The following TUNAR variants were observed in gnomAD, a reference collection of about 807,000 sequenced individuals.
The protein encoded by TUNAR is protein TUNAR.
Position 95,895,420 on chromosome 14 carries a change from G to T in TUNAR, c.12+18243G>T, listed in dbSNP as rs1283911131. ...ACACATGTGTGCATGTTGTTAGAGT[G>T]TGTGTGGTGCGTGTGTGTATGTGTG... is the stretch of plus-strand genomic sequence containing the variant. On this transcript the variant is annotated intron_variant, in intron 2 of 2. Coordinates refer to ENST00000678517, the Ensembl canonical transcript of TUNAR. This position sits in a 1 kb window ranked among gnomAD's most constrained non-coding sequence, Gnocchi z 4.5. 6.6e-6 allele frequency among the ~76,000 whole-genome samples: 1 copy of T among 152,148 alleles called. No homozygotes were observed. Among genetic ancestry groups the T allele is most frequent in the Non-Finnish European group, 1.5e-5 (1 of 68,024 alleles).
At chr14:95,908,344 G>A (rs1458864516) in intron 2 of TUNAR, among the ~76,000 whole-genome samples, 2 of 152,204 alleles carry the variant, frequency 1.3e-5, no homozygotes, top group African/African-American at 4.8e-5. Flanking sequence ...AGTGGGGTGG[G>A]GCTCCTGCCT....
intron 2 of TUNAR, among the ~76,000 whole-genome samples, chr14:95,908,654 T>A (rs1889463761): frequency 6.6e-6 from 1 of 152,198 alleles, no homozygotes; most frequent in Non-Finnish European, 1.5e-5. Flanking sequence ...TTAGTTGGGA[T>A]CACAAGAGTC....
chr14:95,884,795 C>G (rs1168888605), intron 2 of TUNAR, among the ~76,000 whole-genome samples: 1 of 152,200 alleles, frequency 6.6e-6, no homozygotes, highest in Non-Finnish European at 1.5e-5. Context: ...TCCCCACAAT[C>G]TGTGTCTGCG....
intron 2 of TUNAR, among the ~76,000 whole-genome samples, chr14:95,902,070 A>G (rs1889362912): frequency 6.6e-6 from 1 of 152,196 alleles, no homozygotes; most frequent in African/African-American, 2.4e-5. Context: ...GAGATTGTGT[A>G]AAGATCACAA....
At chr14:95,916,361 C>G (rs1174345937) in intron 2 of TUNAR, among the ~76,000 whole-genome samples, 1 of 152,232 alleles carries the variant, frequency 6.6e-6, no homozygotes, top group Non-Finnish European at 1.5e-5. Context: ...GAACTTCCCA[C>G]ATAAGTGGGA....
At chr14:95,878,547 A>ATGAT (rs1888926053) in intron 2 of TUNAR, among the ~76,000 whole-genome samples, 1 of 146,756 alleles carries the variant, frequency 6.8e-6, no homozygotes, top group African/African-American at 2.6e-5. Flanking sequence ...CTTCAGCTAA[A>ATGAT]TGATTCTGAG....
chr14:95,914,030 C>T (rs561708153), intron 2 of TUNAR, among the ~76,000 whole-genome samples: 37 of 152,308 alleles, frequency 2.4e-4, no homozygotes, highest in African/African-American at 8.9e-4. Flanking sequence ...CGTGCCCAGC[C>T]CCTAGGTGGA....
intron 2 of TUNAR, among the ~76,000 whole-genome samples, chr14:95,884,010 T>C (rs1341194271): frequency 6.6e-6 from 1 of 152,046 alleles, no homozygotes; most frequent in Non-Finnish European, 1.5e-5. Context: ...TGCCCCTCCC[T>C]GCTCTAAAGG....
chr14:95,888,026 G>T (rs1199144780), intron 2 of TUNAR, among the ~76,000 whole-genome samples: 3 of 152,186 alleles, frequency 2.0e-5, no homozygotes, highest in Non-Finnish European at 4.4e-5. Flanking sequence ...TCACTTTGGG[G>T]GACATGCACC....
At chr14:95,916,532 C>T (rs577409285) in intron 2 of TUNAR, among the ~76,000 whole-genome samples, 1 of 152,322 alleles carries the variant, frequency 6.6e-6, no homozygotes, top group African/African-American at 2.4e-5. Flanking sequence ...CCGCTGATGG[C>T]CATTGATGCT....
chr14:95,920,450 A>T (rs1427928454), intron 2 of TUNAR, among the ~76,000 whole-genome samples: 1 of 152,164 alleles, frequency 6.6e-6, no homozygotes. Context: ...AACGAATCCA[A>T]CTAGAAGCTT....
chr14:95,894,008 C>T lies in TUNAR; in HGVS notation c.12+16831C>T, dbSNP rs149071149. ...CTAATGCTGATTCAAAGTCGCAAGA[C>T]GATTTTGCCCTGTTTTGGTGGATAG... On this transcript the variant is annotated intron_variant, in intron 2 of 2. Transcript: ENST00000678517. 6.8e-3 allele frequency among the ~76,000 whole-genome samples: 1,039 copies of T among 152,356 alleles called. 4 individuals carry two copies. Among genetic ancestry groups the T allele is most frequent in the Non-Finnish European group, 0.012 (840 of 68,032 alleles).
intron 2 of TUNAR, among the ~76,000 whole-genome samples, chr14:95,888,995 C>T (rs551516082): frequency 1.1e-4 from 17 of 152,316 alleles, no homozygotes; most frequent in African/African-American, 4.1e-4. Flanking sequence ...ACTACGGGCC[C>T]CGTGAAACGG....
chr14:95,901,015 T>C (rs1318446618), intron 2 of TUNAR, among the ~76,000 whole-genome samples: 1 of 152,232 alleles, frequency 6.6e-6, no homozygotes, highest in Non-Finnish European at 1.5e-5. Context: ...TTTAGGAGCG[T>C]ATTTTTCCCT....
chr14:95,882,496 A>C (rs893939200), intron 2 of TUNAR, among the ~76,000 whole-genome samples: 3 of 152,222 alleles, frequency 2.0e-5, no homozygotes, highest in Non-Finnish European at 4.4e-5. Flanking sequence ...TATGTGGCTT[A>C]TGACAAGTGC....
intron 2 of TUNAR, among the ~76,000 whole-genome samples, chr14:95,908,625 T>G (rs1475931482): frequency 1.3e-5 from 2 of 152,184 alleles, no homozygotes; most frequent in African/African-American, 2.4e-5. Context: ...AGTTAAGAGA[T>G]TTTCCCTTGG....
intron 2 of TUNAR, among the ~76,000 whole-genome samples, chr14:95,904,867 G>A (rs575009364): frequency 4.6e-5 from 7 of 152,184 alleles, no homozygotes; most frequent in Non-Finnish European, 7.3e-5. Flanking sequence ...GAGGACCTGC[G>A]CAGGATGTTC....
At chr14:95,889,959 CAAAA>C (rs535897006) in intron 2 of TUNAR, among the ~76,000 whole-genome samples, 4 of 92,202 alleles carry the variant, frequency 4.3e-5, no homozygotes, top group Admixed American at 1.3e-4. Flanking sequence ...GACACAAAGA[CAAAA>C]AAAAAAAAAA....
At chr14:95,920,788 TGA>T (rs1889686141) in intron 2 of TUNAR, among the ~76,000 whole-genome samples, 1 of 152,206 alleles carries the variant, frequency 6.6e-6, no homozygotes, top group Non-Finnish European at 1.5e-5. Context: ...TTCCCGTTTG[TGA>T]TCCTTCCTGG....
Sources: allele counts gnomAD v4.1 joint callset (sites outside exome capture counted in the v4.1 genomes callset), GRCh38; gene constraint gnomAD v4.1.1; non-coding constraint Gnocchi (gnomAD v3.1); transcripts MANE v1.5; gene names NCBI Gene and HGNC (gene_info 2026-07-23, HGNC 2026-07-21).